ITFG1: variants seen among roughly 807,000 people sequenced by gnomAD.
ITFG1 encodes the protein T-cell immunomodulatory protein.
Under a neutral mutation model 81.8 loss-of-function variants are expected in ITFG1, and 34 were observed. The observed-to-expected ratio is 0.42, with a 90% CI of 0.32 to 0.55. The LOEUF (loss-of-function observed/expected upper bound fraction) is 0.55, where lower values mean the gene tolerates loss of function less well. Ranked by LOEUF, ITFG1 falls within the 20% of genes least tolerant of loss-of-function variation. ITFG1 has a pLI of 0.17. For synonymous variants in ITFG1, 285 were observed against 270.6 expected, an observed-to-expected ratio of 1.05 and a Z score of -0.52; for missense variants, 672 against 755.4, an observed-to-expected ratio of 0.89 and a Z score of 1.29.
chr16:47,173,722 T>C (rs1178704618), intron 14 of ITFG1, among the ~76,000 whole-genome samples: 3 of 152,206 alleles, frequency 2.0e-5, no homozygotes, highest in Non-Finnish European at 4.4e-5. Context: ...ATACTTCAAG[T>C]ACATGTTATT....
At chr16:47,458,845 G>T (rs1404903234) in intron 2 of ITFG1, among the ~76,000 whole-genome samples, 3 of 151,940 alleles carry the variant, frequency 2.0e-5, no homozygotes, top group Admixed American at 2.0e-4. Context: ...GGATACGAGG[G>T]ATACGAGATT....
chr16:47,365,656 C>T (rs1968167087), intron 8 of ITFG1, 132 bp downstream of exon 8: 1 of 574,610 alleles, frequency 1.7e-6, no homozygotes. Context: ...GAATAGGCAT[C>T]TTTTGAAGCT....
At chr16:47,231,755 T>G (rs1965818894) in intron 13 of ITFG1, among the ~76,000 whole-genome samples, 1 of 152,234 alleles carries the variant, frequency 6.6e-6, no homozygotes, top group Admixed American at 6.5e-5. Flanking sequence ...CATTAATTCC[T>G]CTAATTTTAA....
At chr16:47,415,967 G>A (rs960908323) in intron 6 of ITFG1, among the ~76,000 whole-genome samples, 5 of 151,950 alleles carry the variant, frequency 3.3e-5, no homozygotes, top group East Asian at 1.9e-4. Context: ...GGTGGTGGGC[G>A]CCTGTAATCC....
At chr16:47,215,090 A>G (rs1252077949) in intron 14 of ITFG1, among the ~76,000 whole-genome samples, 2 of 152,142 alleles carry the variant, frequency 1.3e-5, no homozygotes, top group African/African-American at 4.8e-5. Flanking sequence ...CTACTACATT[A>G]ATTTTATGAC....
chr16:47,206,556 C>G (rs1273133276), intron 14 of ITFG1, among the ~76,000 whole-genome samples: 1 of 152,200 alleles, frequency 6.6e-6, no homozygotes. Context: ...CCTCTGGGAA[C>G]CAGAATCTAC....
rs532387628 is a variant in ITFG1 at position 47,419,713 on chromosome 16, C to T, written c.655+9091G>A. On this transcript the variant is annotated intron_variant, in intron 6 of 17. Transcript: ENST00000320640. ...TGCCTCCCAGGTTCAAGCAATTCTC[C>T]TGCCTCAGCCTCCCAAGTACCTGAG... Among the ~76,000 whole-genome samples, 4 of 149,504 alleles carry T rather than the reference C, an allele frequency of 2.7e-5. No individual in the cohort carries two copies. In the East Asian group the frequency reaches 6.2e-4, roughly 23 times the overall value.
At chr16:47,414,997 GCCTGCATGAATATCCCAT>G (rs1369318143) in intron 6 of ITFG1, among the ~76,000 whole-genome samples, 1 of 152,146 alleles carries the variant, frequency 6.6e-6, no homozygotes, top group African/African-American at 2.4e-5. Flanking sequence ...GAAACTGGGT[GCCTGCATGAATATCCCAT>G]CCATTGCCTC....
chr16:47,193,501 C>A (rs1446584786), intron 14 of ITFG1, among the ~76,000 whole-genome samples: 2 of 151,988 alleles, frequency 1.3e-5, no homozygotes, highest in Non-Finnish European at 2.9e-5. Flanking sequence ...TCAAGGCCAG[C>A]CTGGGCAACA....
At chr16:47,189,895 C>G (rs1230152691) in intron 14 of ITFG1, among the ~76,000 whole-genome samples, 2 of 152,148 alleles carry the variant, frequency 1.3e-5, no homozygotes, top group South Asian at 4.1e-4. Context: ...TAAAGGAAAT[C>G]CACACAGCTC....
chr16:47,383,990 TGAGA>T (rs1968428654), intron 6 of ITFG1, among the ~76,000 whole-genome samples: 1 of 152,258 alleles, frequency 6.6e-6, no homozygotes, highest in South Asian at 2.1e-4. Context: ...TTCTGTCTCC[TGAGA>T]GAAACATTTT....
intron 8 of ITFG1, 84 bp from the exon 9 acceptor site, chr16:47,313,907 A>T (rs1163169278): frequency 1.5e-6 from 1 of 679,774 alleles, no homozygotes; most frequent in Non-Finnish European, 2.4e-6. Context: ...TATTTGTTCA[A>T]AGTCTACATC....
intron 6 of ITFG1, chr16:47,396,206 A>G (rs1166647509): frequency 6.1e-6 from 6 of 982,576 alleles, no homozygotes; most frequent in Non-Finnish European, 7.3e-6. Flanking sequence ...TGCAACTCAG[A>G]GCAAATACAT....
chr16:47,448,337 A>G (rs1006968842), intron 5 of ITFG1: 1 of 152,202 alleles, frequency 6.6e-6, no homozygotes, highest in African/African-American at 2.4e-5. Context: ...ATGCAGATTT[A>G]TTTCTTCTGG....
At chr16:47,377,413 A>G (rs1417127022) in intron 6 of ITFG1, among the ~76,000 whole-genome samples, 1 of 152,154 alleles carries the variant, frequency 6.6e-6, no homozygotes, top group Non-Finnish European at 1.5e-5. Context: ...TTCTTCCAAG[A>G]TGAAGGGCAA....
chr16:47,372,966 C>T (rs117638248), intron 7 of ITFG1, among the ~76,000 whole-genome samples: 1,986 of 152,278 alleles, frequency 0.013, 31 homozygotes, highest in Non-Finnish European at 0.02. Context: ...ATCTGATATG[C>T]AGTGGCCAAT....
At chr16:47,174,206 T>C (rs1195713227) in intron 14 of ITFG1, among the ~76,000 whole-genome samples, 1 of 152,202 alleles carries the variant, frequency 6.6e-6, no homozygotes, top group East Asian at 1.9e-4. Context: ...GTATAGGAGA[T>C]ATATTACATT....
chr16:47,388,301 C>T (rs1257612468), intron 6 of ITFG1, among the ~76,000 whole-genome samples: 1 of 152,098 alleles, frequency 6.6e-6, no homozygotes, highest in Non-Finnish European at 1.5e-5. Context: ...ATGGCTAAAA[C>T]CTTCCCAAAT....
chr16:47,307,873 A>G (rs868370753), intron 10 of ITFG1, among the ~76,000 whole-genome samples: 1 of 152,126 alleles, frequency 6.6e-6, no homozygotes, highest in Non-Finnish European at 1.5e-5. Context: ...TTTAGCTCCC[A>G]CTTATTAGTG....
Sources: allele counts gnomAD v4.1 joint callset (sites outside exome capture counted in the v4.1 genomes callset), GRCh38; gene constraint gnomAD v4.1.1; transcripts MANE v1.5; gene names NCBI Gene and HGNC (gene_info 2026-07-23, HGNC 2026-07-21).